Variants in FAM107A observed in about 807,000 individuals in gnomAD.
FAM107A encodes family with sequence similarity 107 member A.
In FAM107A, 19 loss-of-function variants were observed where a neutral mutation model predicts 13.7. The observed-to-expected ratio is 1.38, with a 90% CI of 0.97 to 2.03. The LOEUF is 2.03. Among genes scored for constraint, FAM107A ranks in the 30% most tolerant of loss-of-function variants. The probability of loss-of-function intolerance (pLI) is 0.00; values close to 1 mark genes in which losing one functional copy is unlikely to be tolerated. For synonymous variants in FAM107A, 82 were observed against 74.5 expected, an observed-to-expected ratio of 1.10 and a Z score of -0.52; for missense variants, 203 against 184.4, an observed-to-expected ratio of 1.10 and a Z score of -0.58.
chr3:58,608,928 T>C (rs2306667), intron 1 of FAM107A: 30,692 of 152,184 alleles, frequency 0.2, 3,835 homozygotes, highest in South Asian at 0.47. Context: ...AGCAGTGAGT[T>C]GGCAGAGCTG....
chr3:58,609,099 C>T (rs1575454410), intron 1 of FAM107A: 1 of 152,062 alleles, frequency 6.6e-6, no homozygotes, highest in African/African-American at 2.4e-5. Flanking sequence ...CAAGGAGGCC[C>T]CATGATGCAG....
intron 2 of FAM107A, among the ~76,000 whole-genome samples, chr3:58,567,958 A>G (rs1051778286): frequency 2.0e-5 from 3 of 152,144 alleles, no homozygotes; most frequent in African/African-American, 7.2e-5. Context: ...ATTTTTACAG[A>G]CAAGGACTTG....
In FAM107A at chr3:58,586,968, T is replaced by G. The variant is rs757152135; in HGVS notation, c.-32A>C. 52 of 1,502,252 alleles carry G rather than the reference T, an allele frequency of 3.5e-5. No homozygotes were observed. In the South Asian group the frequency reaches 5.6e-4, roughly 16 times the overall value. 93.1% of individuals were successfully genotyped at this position (1,502,252 alleles called of 1,614,324 possible). A position where few individuals can be genotyped will look rare whatever the true frequency, so the allele number is the denominator to read the frequency against. On this transcript the variant is annotated 5_prime_UTR_variant, in exon 1 of 4. Transcript: ENST00000447756. ...GCGCCTCCTACTGCAGAGCCAGCAC[T>G]GCTGGCCCCGCGAGCGCACAGCAGG...
upstream of FAM107A, among the ~76,000 whole-genome samples, chr3:58,588,657 C>T (rs114924468): frequency 0.02 from 3,013 of 152,256 alleles, 46 homozygotes; most frequent in Non-Finnish European, 0.027. Flanking sequence ...ATCCAATTTA[C>T]AGTTCACCTC....
At chr3:58,626,967 C>G in intron 1 of FAM107A, 1 of 1,535,934 alleles carries the variant, frequency 6.5e-7, no homozygotes. Context: ...TTAGAGGTTC[C>G]TACCTTCTTC....
chr3:58,621,797 G>A (rs1315852202), intron 1 of FAM107A, among the ~76,000 whole-genome samples: 1 of 152,196 alleles, frequency 6.6e-6, no homozygotes, highest in Non-Finnish European at 1.5e-5. Context: ...GTGGTGGGGA[G>A]AACTTGAGCT....
intron 1 of FAM107A, among the ~76,000 whole-genome samples, chr3:58,592,985 A>G (rs980751724): frequency 3.3e-5 from 5 of 152,092 alleles, no homozygotes; most frequent in Admixed American, 6.5e-5. Context: ...TTATAAAGAC[A>G]CCCTAGCTGG....
intron 1 of FAM107A, among the ~76,000 whole-genome samples, chr3:58,616,589 C>T (rs1246011898): frequency 2.1e-4 from 32 of 151,000 alleles, no homozygotes; most frequent in Non-Finnish European, 5.9e-5. Flanking sequence ...ACCACCACCA[C>T]CATCACCACC....
upstream of FAM107A, chr3:58,587,162 G>A: frequency 7.5e-7 from 1 of 1,324,598 alleles, no homozygotes; most frequent in Non-Finnish European, 9.7e-7. Flanking sequence ...GTAGCAGGCA[G>A]GGCGCGGGTG....
intron 1 of FAM107A, among the ~76,000 whole-genome samples, chr3:58,624,981 G>T (rs1455632154): frequency 6.6e-6 from 1 of 152,116 alleles, no homozygotes; most frequent in Non-Finnish European, 1.5e-5. Context: ...ACAGCCTTCT[G>T]TGGGAGGTTG....
chr3:58,567,477 CCTGTAGCCTTGGAGGTGGACCCATTA>C, intron 2 of FAM107A, 113 bp from the exon 3 acceptor site: 1 of 1,243,892 alleles, frequency 8.0e-7, no homozygotes, highest in East Asian at 2.6e-5. Context: ...TGCAATCCTC[CCTGTAGCCTTGGAGGTGGACCCATTA>C]CTGTCCCATT....
At chr3:58,576,652 C>A (rs2063733389) in intron 1 of FAM107A, among the ~76,000 whole-genome samples, 1 of 152,226 alleles carries the variant, frequency 6.6e-6, no homozygotes, top group Non-Finnish European at 1.5e-5. Context: ...ATTTCTGGCC[C>A]AATCTCAGAC....
chr3:58,615,645 C>A (rs1050984094), intron 1 of FAM107A, among the ~76,000 whole-genome samples: 3 of 152,110 alleles, frequency 2.0e-5, no homozygotes, highest in African/African-American at 7.2e-5. Flanking sequence ...CCTGTAATCC[C>A]AGCACTTTGG....
chr3:58,622,757 C>A (rs1340640056), intron 1 of FAM107A, among the ~76,000 whole-genome samples: 1 of 152,034 alleles, frequency 6.6e-6, no homozygotes, highest in South Asian at 2.1e-4. Flanking sequence ...AGTGGGGAGG[C>A]TGCTGGGCAG....
intron 1 of FAM107A, among the ~76,000 whole-genome samples, chr3:58,623,623 A>G (rs948650383): frequency 6.6e-6 from 1 of 152,200 alleles, no homozygotes; most frequent in African/African-American, 2.4e-5. Flanking sequence ...GTGGGATGTG[A>G]GCACTGTTGT....
rs2065776781 is a variant in FAM107A, at chr3:58,604,458, T to C, written c.-69-15189A>G. The stretch of plus-strand genomic sequence containing the variant: ...TGATCTGCCTGCACCCTCCATTATA[T>C]AAGTGGAGAAACTGAGGCACAGAGC... On this transcript the variant is annotated intron_variant, in intron 1 of 3. Transcript: ENST00000465970. This position sits in a 1 kb window ranked among gnomAD's most constrained non-coding sequence, Gnocchi z 4.1. Among the ~76,000 whole-genome samples, 3 of 152,056 alleles carry C rather than the reference T, an allele frequency of 2.0e-5. No individual in the cohort carries two copies. In the South Asian group the frequency reaches 6.2e-4, roughly 32 times the overall value.
rs1283951926 is a variant in FAM107A, at chr3:58,613,304, GA to G, written c.-70+14111del. ...AAGGTTACAGAGCTAGTGAGATGGG[GA>G]GCAGGAGTCAAACTGTGGGTTGTCT... is the stretch of plus-strand genomic sequence containing the variant. On this transcript the variant is annotated intron_variant, in intron 1 of 3. Coordinates refer to the FAM107A transcript ENST00000465970. This position sits in a 1 kb window ranked among gnomAD's most constrained non-coding sequence, Gnocchi z 4.6. Among the ~76,000 whole-genome samples the G allele has an allele frequency of 6.6e-6, 1 of 152,172 alleles. No homozygotes were observed. The highest frequency in any genetic ancestry group is 2.4e-5 in the African/African-American group (1 of 41,436).
chr3:58,613,583 A>G lies in FAM107A; in HGVS notation c.-70+13833T>C, dbSNP rs1389535615. On this transcript the variant is annotated intron_variant, in intron 1 of 3. Transcript: ENST00000465970. This position sits in a 1 kb window ranked among gnomAD's most constrained non-coding sequence, Gnocchi z 4.6. ...TCTCCTCTGGCCTTTGTGTAAGCAG[A>G]TCTTTCTACCTAGAACACTGTTGCC... Among the ~76,000 whole-genome samples, 1 of 152,172 alleles carries G rather than the reference A, an allele frequency of 6.6e-6. No individual in the cohort carries two copies. Among genetic ancestry groups the G allele is most frequent in the African/African-American group, 2.4e-5 (1 of 41,450 alleles).
intron 1 of FAM107A, among the ~76,000 whole-genome samples, chr3:58,593,112 T>A (rs1304681271): frequency 6.6e-6 from 1 of 152,118 alleles, no homozygotes; most frequent in East Asian, 1.9e-4. Context: ...CCCCATTGGG[T>A]TCACCGTTCC....
Sources: gnomAD v4.1 joint callset for allele counts (sites outside exome capture counted in the v4.1 genomes callset) on GRCh38, gnomAD v4.1.1 for gene constraint, Gnocchi (gnomAD v3.1) non-coding constraint, MANE v1.5 for transcripts, NCBI Gene and HGNC (gene_info 2026-07-23, HGNC 2026-07-21) for gene names.